The following GTF2B variants were observed in gnomAD, a reference collection of about 807,000 sequenced individuals.
The protein encoded by GTF2B is transcription initiation factor IIB.
GTF2B carries 20 observed loss-of-function variants against 34.6 expected under a neutral mutation model. That is an observed-to-expected ratio of 0.58 (90% confidence interval 0.41 to 0.84). The LOEUF is 0.84. Among genes scored for constraint, GTF2B ranks in the 40% least tolerant of loss-of-function variants. GTF2B has a pLI of 0.00. For synonymous variants in GTF2B, 142 were observed against 132.4 expected (o/e 1.07, Z -0.50); for missense variants, 237 against 393.3 (o/e 0.60, Z 3.36).
In GTF2B at chr1:88,867,733, C is replaced by T. The variant is rs547775281; in HGVS notation, c.125-3619G>A. Among the ~76,000 whole-genome samples, 172 of 152,182 alleles carry T rather than the reference C, an allele frequency of 1.1e-3. 2 individuals are homozygous for T. Among genetic ancestry groups the T allele is most frequent in the African/African-American group, 4.0e-3 (164 of 41,518 alleles). ...TCATTTCATAGCATTTTCTGAAATA[C>T]CTTACCATGAGATTCATTTGCTGCC... On this transcript the variant is annotated intron_variant, in intron 2 of 6. Transcript: ENST00000370500.
At chr1:88,873,922 A>C (rs1673756491) in intron 2 of GTF2B, among the ~76,000 whole-genome samples, 1 of 152,160 alleles carries the variant, frequency 6.6e-6, no homozygotes, top group South Asian at 2.1e-4. Context: ...AAACTCAGGG[A>C]CTCTTACTAA....
chr1:88,868,292 T>C (rs1673603442), intron 2 of GTF2B, among the ~76,000 whole-genome samples: 2 of 152,244 alleles, frequency 1.3e-5, no homozygotes, highest in South Asian at 4.1e-4. Context: ...TATCCTTTAG[T>C]GTTCTAGAAA....
In GTF2B at chr1:88,860,194, T is replaced by C. The variant is rs758979559; in HGVS notation, c.351A>G (p.Ala117=). The C allele has an allele frequency of 1.2e-6, 2 of 1,613,904 alleles. No homozygotes were observed. Among genetic ancestry groups the C allele is most frequent in the Non-Finnish European group, 1.7e-6 (2 of 1,179,778 alleles). ...CTGCCATGGTAGTGATTTCTTTGAA[T>C]GCATTCATCATTGCCCGATCAGAAC... ...MSSSDRAMMN[A]FKEITTMADR... is the part of the protein sequence containing the mutation. The change falls in exon 4 of 7, where the codon GCA becomes GCG. Residue 117 remains alanine, a synonymous_variant. Coordinates refer to ENST00000370500, the MANE Select transcript of GTF2B (RefSeq NM_001514.6).
chr1:88,882,765 T>C (rs1248719148), intron 2 of GTF2B, among the ~76,000 whole-genome samples: 1 of 152,230 alleles, frequency 6.6e-6, no homozygotes, highest in Admixed American at 6.5e-5. Context: ...AAGTGTATGA[T>C]TTTAATTGAG....
chr1:88,873,182 G>C (rs1034332238), intron 2 of GTF2B, among the ~76,000 whole-genome samples: 8 of 100,448 alleles, frequency 8.0e-5, no homozygotes, highest in African/African-American at 3.2e-4. Flanking sequence ...ATTCCATTAA[G>C]TTTTTTTTTT....
At chr1:88,870,364 C>CAAT (rs2100971096) in intron 2 of GTF2B, among the ~76,000 whole-genome samples, 1 of 152,314 alleles carries the variant, frequency 6.6e-6, no homozygotes, top group African/African-American at 2.4e-5. Flanking sequence ...AAATTAAAAA[C>CAAT]TCATTCCCAC....
chr1:88,883,576 C>G (rs1279908039), intron 2 of GTF2B, among the ~76,000 whole-genome samples: 3 of 151,812 alleles, frequency 2.0e-5, no homozygotes, highest in Non-Finnish European at 4.4e-5. Flanking sequence ...AGCCAGGGTC[C>G]TGCTTGAGCC....
At chr1:88,884,150 C>T (rs1674012176) in intron 2 of GTF2B, among the ~76,000 whole-genome samples, 1 of 151,890 alleles carries the variant, frequency 6.6e-6, no homozygotes, top group Non-Finnish European at 1.5e-5. Flanking sequence ...CCTCAGCCTC[C>T]CGAGTAAGCT....
chr1:88,872,455 T>TA (rs34668666), intron 2 of GTF2B, among the ~76,000 whole-genome samples: 27,186 of 74,820 alleles, frequency 0.36, 7,488 homozygotes, highest in South Asian at 0.49. Flanking sequence ...TCCATCTCAA[T>TA]AAAAAAAAAA....
chr1:88,857,691 C>CTTTTTTTTTT lies in GTF2B; in HGVS notation c.536-205_536-204insAAAAAAAAAA, dbSNP rs368010048. The stretch of plus-strand genomic sequence containing the variant: ...CAGTTAACTTTAATGTTCATCACAC[C>CTTTTTTTTTT]TTTTTTTTTGAGATGAAGTCTCACT... On this transcript the variant is annotated intron_variant, in intron 5 of 6. Coordinates refer to ENST00000370500, the MANE Select transcript of GTF2B (RefSeq NM_001514.6). Among the ~76,000 whole-genome samples the CTTTTTTTTTT allele has an allele frequency of 1.3e-3, 143 of 108,130 alleles. 10 individuals carry two copies. The highest frequency in any genetic ancestry group is 4.7e-3 in the African/African-American group (130 of 27,884). The allele number at this position is 108,130 out of a possible 152,430, so 70.9% of individuals were successfully genotyped here. A position where few individuals can be genotyped will look rare whatever the true frequency, so the allele number is the denominator to read the frequency against.
intron 2 of GTF2B, among the ~76,000 whole-genome samples, chr1:88,866,251 G>C (rs1673557779): frequency 6.6e-6 from 1 of 152,160 alleles, no homozygotes. Flanking sequence ...CCTGTAGGGA[G>C]GCTGAGGTGG....
chr1:88,877,454 T>C (rs1197468677), intron 2 of GTF2B, among the ~76,000 whole-genome samples: 1 of 152,244 alleles, frequency 6.6e-6, no homozygotes, highest in Admixed American at 6.5e-5. Flanking sequence ...ATAGCAATTA[T>C]GGCAGGTTAC....
At chr1:88,860,791 T>A in intron 3 of GTF2B, among the ~76,000 whole-genome samples, 1 of 152,202 alleles carries the variant, frequency 6.6e-6, no homozygotes, top group Non-Finnish European at 1.5e-5. Flanking sequence ...AATGAGTACT[T>A]CTTTACATTA....
intron 6 of GTF2B, among the ~76,000 whole-genome samples, chr1:88,853,758 C>T (rs1322658834): frequency 6.6e-6 from 1 of 152,096 alleles, no homozygotes; most frequent in East Asian, 1.9e-4. Flanking sequence ...GAGCCGAGAT[C>T]GCACCACTGC....
intron 6 of GTF2B, among the ~76,000 whole-genome samples, chr1:88,856,252 G>T: frequency 8.8e-6 from 1 of 113,592 alleles, no homozygotes; most frequent in African/African-American, 3.2e-5. Context: ...CTGCGCAACA[G>T]AGGGAGACTG....
intron 2 of GTF2B, among the ~76,000 whole-genome samples, chr1:88,881,368 G>T (rs530280009): frequency 5.9e-5 from 9 of 152,092 alleles, no homozygotes; most frequent in Non-Finnish European, 1.0e-4. Flanking sequence ...ACCTAACGAT[G>T]CATTTCTCAG....
chr1:88,881,009 A>G (rs1449455138), intron 2 of GTF2B, among the ~76,000 whole-genome samples: 2 of 34,680 alleles, frequency 5.8e-5, no homozygotes, highest in East Asian at 1.8e-3. Context: ...ATGCTGTCTC[A>G]AAAAAAAAAA....
intron 2 of GTF2B, among the ~76,000 whole-genome samples, chr1:88,882,749 A>T (rs558763175): frequency 6.6e-6 from 1 of 152,336 alleles, no homozygotes; most frequent in South Asian, 2.1e-4. Context: ...ACCGATATTA[A>T]TCCACAAGTG....
At chr1:88,867,248 G>A (rs67284460) in intron 2 of GTF2B, among the ~76,000 whole-genome samples, 13,273 of 152,158 alleles carry the variant, frequency 0.087, 1,332 homozygotes, top group African/African-American at 0.25. Context: ...TTTCATATAT[G>A]CTCTGTGTTT....
Sources: gnomAD v4.1 joint callset for allele counts (sites outside exome capture counted in the v4.1 genomes callset) on GRCh38, gnomAD v4.1.1 for gene constraint, MANE v1.5 for transcripts, NCBI Gene and HGNC (gene_info 2026-07-23, HGNC 2026-07-21) for gene names.